Variants in SULT4A1 observed in about 807,000 individuals in gnomAD.
The protein encoded by SULT4A1 is sulfotransferase family 4A member 1.
Under a neutral mutation model 35.2 loss-of-function variants are expected in SULT4A1, and 11 were observed. That is an observed-to-expected ratio of 0.31 (90% confidence interval 0.20 to 0.52). SULT4A1 has a LOEUF of 0.52. SULT4A1 is among the 20% of genes least tolerant of loss of function. The probability of loss-of-function intolerance (pLI) is 0.97; values close to 1 mark genes in which losing one functional copy is unlikely to be tolerated. For synonymous variants in SULT4A1, 152 were observed against 151.8 expected (o/e 1.00, Z -0.01); for missense variants, 271 against 383.7 (o/e 0.71, Z 2.45).
At chr22:43,840,132 A>T in intron 2 of SULT4A1, 107 bp from the exon 3 acceptor site, 6 of 717,826 alleles carry the variant, frequency 8.4e-6, no homozygotes, top group Non-Finnish European at 1.1e-5. Context: ...GGTGGGGTTC[A>T]GGGGAAGTGG....
At chr22:43,834,258 AG>A (rs1358786799) in intron 4 of SULT4A1, among the ~76,000 whole-genome samples, 1 of 151,798 alleles carries the variant, frequency 6.6e-6, no homozygotes, top group Non-Finnish European at 1.5e-5. Flanking sequence ...GACCTCCAAG[AG>A]GCCGGCACTC....
At chr22:43,845,116 A>G (rs758833171) in intron 1 of SULT4A1, among the ~76,000 whole-genome samples, 2 of 151,872 alleles carry the variant, frequency 1.3e-5, no homozygotes, top group African/African-American at 2.4e-5. Flanking sequence ...ACCTTGTCTG[A>G]CCTCCCAGAA....
In SULT4A1 at chr22:43,840,031, T is replaced by G. The variant is rs2063411883; in HGVS notation, c.301-6A>C. ...AGGCGGGGAGAGGTCAGTTCCTGCGTGGAGTCAGAGGGAGAGGCAGGTCAG... is the reference window on the plus strand; with the variant it reads ...AGGCGGGGAGAGGTCAGTTCCTGCGGGGAGTCAGAGGGAGAGGCAGGTCAG... On this transcript the variant is annotated splice_region_variant and splice_polypyrimidine_tract_variant and intron_variant, in intron 2 of 6. Transcript: ENST00000330884. 6.3e-7 allele frequency: 1 copy of G among 1,582,436 alleles called. No homozygotes were observed. Among genetic ancestry groups the G allele is most frequent in the Non-Finnish European group, 8.6e-7 (1 of 1,168,584 alleles).
At chr22:43,829,913 C>T (rs1328414481) in intron 5 of SULT4A1, among the ~76,000 whole-genome samples, 1 of 152,220 alleles carries the variant, frequency 6.6e-6, no homozygotes, top group Non-Finnish European at 1.5e-5. Flanking sequence ...AGCAAATTCC[C>T]GCATTAAAGC....
At chr22:43,835,945 G>A (rs547980689) in intron 4 of SULT4A1, among the ~76,000 whole-genome samples, 108 of 152,350 alleles carry the variant, frequency 7.1e-4, no homozygotes, top group Non-Finnish European at 1.3e-3. Flanking sequence ...CCTTCCCACC[G>A]GAATGCCTGA....
intron 1 of SULT4A1, among the ~76,000 whole-genome samples, chr22:43,858,769 G>C (rs914954017): frequency 6.6e-5 from 10 of 152,134 alleles, no homozygotes; most frequent in Middle Eastern, 6.8e-3. Flanking sequence ...ATCTACACTC[G>C]GTGCTGCCAC....
intron 5 of SULT4A1, among the ~76,000 whole-genome samples, chr22:43,829,703 T>C (rs528351642): frequency 1.3e-5 from 2 of 152,188 alleles, no homozygotes; most frequent in Non-Finnish European, 2.9e-5. Flanking sequence ...CCCATTATTT[T>C]ACCACGCCTG....
At chr22:43,855,908 G>C (rs1479326736) in intron 1 of SULT4A1, among the ~76,000 whole-genome samples, 2 of 152,198 alleles carry the variant, frequency 1.3e-5, no homozygotes, top group Non-Finnish European at 2.9e-5. Flanking sequence ...CTTGAGACAG[G>C]GCCCTGGAGG....
chr22:43,842,725 T>C lies in SULT4A1; in HGVS notation c.170-793A>G, dbSNP rs377383178. ...GGTTCAAGGATGGGCAAAACTCAAC[T>C]ATAGTGACAGAAGTGAGAACAGTGT... is the stretch of plus-strand genomic sequence containing the variant. On this transcript the variant is annotated intron_variant, in intron 1 of 6. Coordinates refer to ENST00000330884, the MANE Select transcript of SULT4A1 (RefSeq NM_014351.4). Among the ~76,000 whole-genome samples, 13 of 152,240 alleles carry C rather than the reference T, an allele frequency of 8.5e-5. No homozygotes were observed. The East Asian group carries it at 1.5e-3, about 18-fold the overall frequency.
At chr22:43,854,690 A>G (rs138097) in intron 1 of SULT4A1, among the ~76,000 whole-genome samples, 102,196 of 151,994 alleles carry the variant, frequency 0.67, 35,517 homozygotes, top group East Asian at 0.99. Context: ...CAACCACTAA[A>G]GGACAAGAGT....
rs2049487359 is a variant in SULT4A1, at chr22:43,862,478, C to CCCACCGGCGCGCGGCGGCAGCT, written c.-118_-97dup. 40 of 962,462 alleles carry CCCACCGGCGCGCGGCGGCAGCT rather than the reference C, an allele frequency of 4.2e-5. 1 individual carries two copies. Among genetic ancestry groups the CCCACCGGCGCGCGGCGGCAGCT allele is most frequent in the Non-Finnish European group, 4.8e-5 (39 of 812,718 alleles). The allele number at this position is 962,462 out of a possible 1,614,324, so 59.6% of individuals were successfully genotyped here. ...GCCCGCGCCCCGCACACGCTCGCGC[C>CCCACCGGCGCGCGGCGGCAGCT]CCACCGGCGCGCGGCGGCAGCTCCG... On this transcript the variant is annotated 5_prime_UTR_variant, in exon 1 of 7. Transcript: ENST00000330884.
At chr22:43,847,335 A>G (rs920831508) in intron 1 of SULT4A1, among the ~76,000 whole-genome samples, 14 of 152,260 alleles carry the variant, frequency 9.2e-5, no homozygotes, top group Admixed American at 6.5e-4. Flanking sequence ...CATTCCAGGC[A>G]CACTTCTAAG....
chr22:43,837,013 G>A (rs757283139), intron 4 of SULT4A1, among the ~76,000 whole-genome samples: 2 of 152,282 alleles, frequency 1.3e-5, no homozygotes, highest in Non-Finnish European at 2.9e-5. Context: ...CCAGGCTCAC[G>A]CGTGGTTGTT....
intron 1 of SULT4A1, among the ~76,000 whole-genome samples, chr22:43,858,411 C>T (rs2049427813): frequency 6.6e-6 from 1 of 152,128 alleles, no homozygotes; most frequent in African/African-American, 2.4e-5. Flanking sequence ...AGGACACTTG[C>T]TTTGGCAGCC....
intron 4 of SULT4A1, 92 bp from the exon 5 acceptor site, chr22:43,833,826 C>A: frequency 1.9e-6 from 2 of 1,057,328 alleles, no homozygotes; most frequent in Non-Finnish European, 2.8e-6. Context: ...GCCCTCCTGC[C>A]ACCCAGCAGC....
Position 43,825,894 on chromosome 22 carries a change from C to A in SULT4A1, c.*107G>T. ...GCTCTTCCCTTCCCCCGCTGTTTCA[C>A]ACGCTGCTTCCAGAGTTTGTCCAGC... On this transcript the variant is annotated 3_prime_UTR_variant, in exon 7 of 7. Transcript: ENST00000330884. The A allele has an allele frequency of 8.7e-7, 1 of 1,148,278 alleles. No homozygotes were observed. The highest frequency in any genetic ancestry group is 1.3e-6 in the Non-Finnish European group (1 of 792,924). 71.1% of individuals were successfully genotyped at this position (1,148,278 alleles called of 1,614,324 possible). A position where few individuals can be genotyped will look rare whatever the true frequency, so the allele number is the denominator to read the frequency against.
chr22:43,837,106 G>A (rs1305364600), intron 4 of SULT4A1, among the ~76,000 whole-genome samples: 1 of 152,244 alleles, frequency 6.6e-6, no homozygotes, highest in African/African-American at 2.4e-5. Flanking sequence ...CAGGGTTCCC[G>A]TGCATATTAG....
rs2063283412 is a variant in SULT4A1, at chr22:43,825,869, G to A, written c.*132C>T. 1.2e-5 allele frequency: 11 copies of A among 887,934 alleles called. No individual in the cohort carries two copies. Among genetic ancestry groups the A allele is most frequent in the South Asian group, 3.4e-5 (2 of 59,262 alleles). 55.0% of individuals were successfully genotyped at this position (887,934 alleles called of 1,614,324 possible). A position where few individuals can be genotyped will look rare whatever the true frequency, so the allele number is the denominator to read the frequency against. On this transcript the variant is annotated 3_prime_UTR_variant, in exon 7 of 7. Coordinates refer to ENST00000330884, the MANE Select transcript of SULT4A1 (RefSeq NM_014351.4). ...TCATCACACTCCCTCCGCTCACGCC[G>A]CTCTTCCCTTCCCCCGCTGTTTCAC...
intron 1 of SULT4A1, among the ~76,000 whole-genome samples, chr22:43,852,826 C>T (rs1280876075): frequency 6.6e-6 from 1 of 151,116 alleles, no homozygotes; most frequent in African/African-American, 2.4e-5. Flanking sequence ...TGAGGACATG[C>T]TGACAGAGAC....
Sources: gnomAD v4.1 joint callset for allele counts (sites outside exome capture counted in the v4.1 genomes callset) on GRCh38, gnomAD v4.1.1 for gene constraint, MANE v1.5 for transcripts, NCBI Gene and HGNC (gene_info 2026-07-23, HGNC 2026-07-21) for gene names.